Variants in ACADL observed in about 807,000 individuals in gnomAD.
The protein encoded by ACADL is long-chain specific acyl-CoA dehydrogenase, mitochondrial.
Under a neutral mutation model 56.9 loss-of-function variants are expected in ACADL, and 60 were observed. The ratio of observed to expected loss-of-function variants is 1.05; its 90% confidence interval spans 0.86 to 1.31. ACADL has a LOEUF of 1.31. Among genes scored for constraint, ACADL ranks in the 50% most tolerant of loss-of-function variants. The pLI, the probability that ACADL is intolerant of heterozygous loss-of-function variation, is 0.00. For missense variants in ACADL, 484 were observed against 525.5 expected (o/e 0.92, Z 0.77); for synonymous variants, 158 against 179.7 (o/e 0.88, Z 0.97).
chr2:210,209,149 A>G (rs1688940121), intron 5 of ACADL, among the ~76,000 whole-genome samples: 1 of 152,254 alleles, frequency 6.6e-6, no homozygotes, highest in Non-Finnish European at 1.5e-5. Context: ...ATATTTGAAG[A>G]ACACCAGTGA....
chr2:210,201,763 C>A (rs559762870), intron 8 of ACADL, among the ~76,000 whole-genome samples: 1 of 152,088 alleles, frequency 6.6e-6, no homozygotes, highest in East Asian at 1.9e-4. Context: ...ATAAACTATT[C>A]CTTCATTTAA....
At chr2:210,197,978 G>T (rs1008971225) in intron 8 of ACADL, among the ~76,000 whole-genome samples, 3 of 152,144 alleles carry the variant, frequency 2.0e-5, no homozygotes, top group Non-Finnish European at 2.9e-5. Context: ...TTTGGTCTTT[G>T]CTTTTCACTG....
intron 1 of ACADL, chr2:210,224,766 G>C (rs1689238560): frequency 1.0e-6 from 1 of 991,420 alleles, no homozygotes; most frequent in Admixed American, 6.1e-5. Flanking sequence ...GGGAACGCCG[G>C]GTTCACAGCT....
intron 8 of ACADL, among the ~76,000 whole-genome samples, chr2:210,195,998 T>C (rs758386764): frequency 5.6e-4 from 85 of 152,142 alleles, no homozygotes; most frequent in Non-Finnish European, 9.6e-4. Flanking sequence ...ACCCAAATCT[T>C]ATCTTGAATT....
chr2:210,193,650 T>C (rs917026279), intron 9 of ACADL, among the ~76,000 whole-genome samples: 1 of 152,152 alleles, frequency 6.6e-6, no homozygotes, highest in Admixed American at 6.6e-5. Context: ...CTTATTTTTC[T>C]TTTCTTTCTT....
chr2:210,219,060 G>C (rs1689134920), intron 2 of ACADL, among the ~76,000 whole-genome samples: 1 of 152,144 alleles, frequency 6.6e-6, no homozygotes, highest in Non-Finnish European at 1.5e-5. Flanking sequence ...AGTGAGATAT[G>C]GGGTATTTGA....
In ACADL at chr2:210,203,316, C is replaced by A. The variant is rs538138862; in HGVS notation, c.984+15G>T. 8 of 1,565,686 alleles carry A rather than the reference C, an allele frequency of 5.1e-6. No individual in the cohort carries two copies. In the East Asian group the frequency reaches 1.8e-4, roughly 35 times the overall value. ...ACTGATACCATCTAATACTAAACCA[C>A]AGTGACAAGCTTACCTGTAGGTGAG... On this transcript the variant is annotated intron_variant, in intron 8 of 10. Coordinates refer to ENST00000233710, the MANE Select transcript of ACADL (RefSeq NM_001608.4).
chr2:210,189,846 C>A (rs1023074427), intron 10 of ACADL, among the ~76,000 whole-genome samples: 1 of 152,116 alleles, frequency 6.6e-6, no homozygotes, highest in African/African-American at 2.4e-5. Flanking sequence ...AATATATTTC[C>A]TAATTAATGG....
chr2:210,218,157 C>T, intron 2 of ACADL, 55 bp from the exon 3 acceptor site: 1 of 1,489,630 alleles, frequency 6.7e-7, no homozygotes. Context: ...ATTTAAATGG[C>T]CACAACTTTG....
intron 4 of ACADL, 83 bp downstream of exon 4, chr2:210,216,264 C>T: frequency 2.0e-6 from 3 of 1,472,592 alleles, no homozygotes; most frequent in Non-Finnish European, 2.8e-6. Context: ...TAGCATATAG[C>T]TCAGTCTATG....
chr2:210,222,339 GC>G (rs1333461262), intron 1 of ACADL, among the ~76,000 whole-genome samples: 3 of 152,072 alleles, frequency 2.0e-5, no homozygotes, highest in Non-Finnish European at 4.4e-5. Flanking sequence ...CTGGGGGGAG[GC>G]AGAGACAGAG....
Position 210,188,747 on chromosome 2 carries a change from T to C in ACADL, c.*214A>G. 3 of 478,916 alleles carry C rather than the reference T, an allele frequency of 6.3e-6. No individual in the cohort carries two copies. The highest frequency in any genetic ancestry group is 5.1e-5 in the South Asian group (2 of 38,976). The allele number at this position is 478,916 out of a possible 1,614,324, so 29.7% of individuals were successfully genotyped here. ...GTTTACCTTTGGCTACATAAAAAAC[T>C]GTAAGTTAAACCTTATATTGGAAAA... is the stretch of plus-strand genomic sequence containing the variant. On this transcript the variant is annotated 3_prime_UTR_variant, in exon 11 of 11. Coordinates refer to ENST00000233710, the MANE Select transcript of ACADL (RefSeq NM_001608.4).
chr2:210,224,362 TG>T, intron 1 of ACADL: 1 of 984,830 alleles, frequency 1.0e-6, no homozygotes, highest in South Asian at 4.7e-5. Flanking sequence ...GTAGGCATTT[TG>T]TTTCATAGCT....
chr2:210,203,421 C>T lies in ACADL; in HGVS notation c.894G>A (p.Val298=). The change falls in exon 8 of 11, where the codon GTG becomes GTA. Residue 298 remains valine (V), a synonymous_variant. Coordinates refer to ENST00000233710, the MANE Select transcript of ACADL (RefSeq NM_001608.4). Reference sequence around the variant, plus strand: ...ACATGAATTCACTAGCTGAAATTGCCACATCAGCAATTAACAGCCTTTCCT... The same window carrying T: ...ACATGAATTCACTAGCTGAAATTGCTACATCAGCAATTAACAGCCTTTCCT... The part of the protein sequence containing the change: ...LPQERLLIAD[V]AISASEFMFE... 6.2e-7 allele frequency: 1 copy of T among 1,613,054 alleles called. No individual in the cohort carries two copies. Among genetic ancestry groups the T allele is most frequent in the Non-Finnish European group, 8.5e-7 (1 of 1,179,438 alleles).
At chr2:210,201,252 C>A (rs1352713800) in intron 8 of ACADL, among the ~76,000 whole-genome samples, 1 of 152,140 alleles carries the variant, frequency 6.6e-6, no homozygotes, top group African/African-American at 2.4e-5. Context: ...TTCCTTTCTC[C>A]TTTTCATTTA....
chr2:210,225,095 C>G, intron 1 of ACADL, 92 bp downstream of exon 1: 2 of 1,518,474 alleles, frequency 1.3e-6, no homozygotes, highest in South Asian at 1.2e-5. Flanking sequence ...CGCGCGCGCA[C>G]CGCCCTGCTT....
In ACADL at chr2:210,225,301, T is replaced by C; in HGVS notation, c.-38A>G. 6.5e-7 allele frequency: 1 copy of C among 1,536,338 alleles called. No homozygotes were observed. The highest frequency in any genetic ancestry group is 8.7e-7 in the Non-Finnish European group (1 of 1,145,926). On this transcript the variant is annotated 5_prime_UTR_variant, in exon 1 of 11. Transcript: ENST00000233710. ...GGGGCGGCGGGGCGACGGAGGCGAC[T>C]CTGCGGCTACTCGGCGACTCGGGGC... is the stretch of plus-strand genomic sequence containing the variant.
At chr2:210,200,804 T>C (rs185356691) in intron 8 of ACADL, among the ~76,000 whole-genome samples, 1 of 152,256 alleles carries the variant, frequency 6.6e-6, no homozygotes, top group Non-Finnish European at 1.5e-5. Flanking sequence ...CAAGAGGAAG[T>C]AGATGGTAAA....
intron 2 of ACADL, chr2:210,218,443 G>A (rs1273771020): frequency 1.6e-5 from 4 of 248,296 alleles, no homozygotes; most frequent in Non-Finnish European, 2.3e-5. Flanking sequence ...ACAAGGCCAG[G>A]CTAATTAAAA....
Sources: allele counts gnomAD v4.1 joint callset (sites outside exome capture counted in the v4.1 genomes callset), GRCh38; gene constraint gnomAD v4.1.1; transcripts MANE v1.5; gene names NCBI Gene and HGNC (gene_info 2026-07-23, HGNC 2026-07-21).